MAST2: variants seen among roughly 807,000 people sequenced by gnomAD.
MAST2 encodes microtubule-associated serine/threonine-protein kinase 2.
Under a neutral mutation model 147.4 loss-of-function variants are expected in MAST2, and 70 were observed. The ratio of observed to expected loss-of-function variants is 0.47; its 90% CI spans 0.39 to 0.58. The LOEUF (loss-of-function observed/expected upper bound fraction) is 0.58, where lower values mean the gene tolerates loss of function less well. MAST2 is among the 20% of genes least tolerant of loss of function. The probability of loss-of-function intolerance (pLI) is 0.00; values close to 1 mark genes in which losing one functional copy is unlikely to be tolerated. For missense variants in MAST2, 2,080 were observed against 2,302.3 expected, an observed-to-expected ratio of 0.90 and a Z score of 1.98; for synonymous variants, 869 against 896.8, an observed-to-expected ratio of 0.97 and a Z score of 0.55.
At chr1:45,882,710 A>G (rs1418052137) in intron 4 of MAST2, among the ~76,000 whole-genome samples, 1 of 152,226 alleles carries the variant, frequency 6.6e-6, no homozygotes, top group African/African-American at 2.4e-5. Context: ...TCGTAGACTC[A>G]AGCTAAGGAA....
At chr1:46,025,096 A>G (rs1214571152) in intron 15 of MAST2, among the ~76,000 whole-genome samples, 3 of 152,162 alleles carry the variant, frequency 2.0e-5, no homozygotes, top group Admixed American at 6.5e-5. Flanking sequence ...AGCCAGGTGG[A>G]TCACCTGAGG....
intron 3 of MAST2, among the ~76,000 whole-genome samples, chr1:45,852,116 A>G (rs1645640211): frequency 6.6e-6 from 1 of 152,128 alleles, no homozygotes; most frequent in African/African-American, 2.4e-5. Context: ...GTACAATATC[A>G]TTAACTAGAT....
At chr1:45,859,711 A>C (rs1189728913) in intron 3 of MAST2, among the ~76,000 whole-genome samples, 1 of 152,214 alleles carries the variant, frequency 6.6e-6, no homozygotes, top group Admixed American at 6.5e-5. Context: ...ATAAAAGGAT[A>C]ATTTATGTTG....
At chr1:45,864,259 G>C (rs760346383) in intron 3 of MAST2, among the ~76,000 whole-genome samples, 1 of 152,122 alleles carries the variant, frequency 6.6e-6, no homozygotes, top group Admixed American at 6.6e-5. Context: ...AATGGGGAGC[G>C]TTTCCTGTGA....
intron 5 of MAST2, among the ~76,000 whole-genome samples, chr1:45,972,401 C>A (rs1397710399): frequency 1.3e-5 from 2 of 152,210 alleles, no homozygotes; most frequent in East Asian, 3.8e-4. Context: ...GGAAAAGTTT[C>A]TGCTAATAAG....
In MAST2 at chr1:46,008,375, A is replaced by G. The variant is rs992577214; in HGVS notation, c.978+4A>G. The G allele has an allele frequency of 3.1e-6, 5 of 1,606,634 alleles. No individual in the cohort carries two copies. In the South Asian group the frequency reaches 5.5e-5, roughly 18 times the overall value. On this transcript the variant is annotated splice_donor_region_variant and intron_variant, in intron 9 of 28. Transcript: ENST00000361297. ...TTACAAAGAAAGATTCCCAAAGGTAAGGATCCATTTAAAAGGAGAGTGGCA... is the reference window on the plus strand; with the variant it reads ...TTACAAAGAAAGATTCCCAAAGGTAGGGATCCATTTAAAAGGAGAGTGGCA...
intron 1 of MAST2, among the ~76,000 whole-genome samples, chr1:45,804,458 C>T (rs1644081168): frequency 6.6e-6 from 1 of 152,066 alleles, no homozygotes; most frequent in South Asian, 2.1e-4. Flanking sequence ...ATCCTGTTTT[C>T]TAGAGGTTGT....
intron 4 of MAST2, among the ~76,000 whole-genome samples, chr1:45,918,696 C>T (rs1296932187): frequency 6.6e-6 from 1 of 152,128 alleles, no homozygotes; most frequent in South Asian, 2.1e-4. Context: ...CCTCGGCCTC[C>T]CAAAGCACTG....
chr1:45,852,958 G>A (rs1645669956), intron 3 of MAST2, among the ~76,000 whole-genome samples: 1 of 151,496 alleles, frequency 6.6e-6, no homozygotes, highest in Admixed American at 6.6e-5. Flanking sequence ...TTGTTGAGAT[G>A]GTATCTCTGT....
At chr1:45,807,544 AT>A (rs759534881) in intron 1 of MAST2, among the ~76,000 whole-genome samples, 539 of 140,382 alleles carry the variant, frequency 3.8e-3, no homozygotes, top group Non-Finnish European at 4.0e-3. Flanking sequence ...AACATTTGTG[AT>A]TTTTTTTTTT....
intron 1 of MAST2, among the ~76,000 whole-genome samples, chr1:45,809,310 A>G (rs1297670230): frequency 1.3e-5 from 2 of 152,176 alleles, no homozygotes; most frequent in Non-Finnish European, 2.9e-5. Context: ...CGCATATTAA[A>G]ATTCTACTCA....
rs1327609046 is a variant in MAST2, at chr1:45,908,893, C to T, written c.500+26498C>T. Among the ~76,000 whole-genome samples, 4 of 152,188 alleles carry T rather than the reference C, an allele frequency of 2.6e-5. No homozygotes were observed. In the South Asian group the frequency reaches 6.2e-4, roughly 24 times the overall value. On this transcript the variant is annotated intron_variant, in intron 4 of 28. Coordinates refer to ENST00000361297, the MANE Select transcript of MAST2 (RefSeq NM_015112.3). ...TTTCCCTTCTTTCTGGGTTTTCTTT[C>T]TTGCATTACATGTGTCCCAGTGCCT...
intron 6 of MAST2, among the ~76,000 whole-genome samples, chr1:46,001,169 C>T (rs1645260068): frequency 6.6e-6 from 1 of 152,212 alleles, no homozygotes; most frequent in Non-Finnish European, 1.5e-5. Flanking sequence ...GGAACCAAGG[C>T]TCAGAGCTCA....
rs533879467 is a variant in MAST2, at chr1:45,916,090, A to G, written c.500+33695A>G. ...CTATTTTCTATCCTGTTACTACCCC[A>G]TATTGTGTACCCACCTGAGAAGTAA... On this transcript the variant is annotated intron_variant, in intron 4 of 28. Transcript: ENST00000361297. Among the ~76,000 whole-genome samples the G allele has an allele frequency of 3.3e-5, 5 of 152,334 alleles. No individual in the cohort carries two copies. The South Asian group carries it at 1.0e-3, about 32-fold the overall frequency.
intron 5 of MAST2, among the ~76,000 whole-genome samples, chr1:45,986,040 C>G (rs536079311): frequency 1.9e-3 from 288 of 152,270 alleles, no homozygotes; most frequent in African/African-American, 6.4e-3. Flanking sequence ...GACAACTTGC[C>G]TATTCCACTG....
intron 1 of MAST2, among the ~76,000 whole-genome samples, chr1:45,810,789 C>T (rs553752743): frequency 1.5e-3 from 169 of 115,686 alleles, no homozygotes; most frequent in African/African-American, 5.5e-3. Context: ...CCATCCTGGG[C>T]GACAGAGCGA....
At chr1:45,971,260 G>A (rs1643902838) in intron 5 of MAST2, among the ~76,000 whole-genome samples, 2 of 152,200 alleles carry the variant, frequency 1.3e-5, no homozygotes, top group Non-Finnish European at 2.9e-5. Flanking sequence ...CAGTTACTCA[G>A]CAATCAGGGA....
chr1:45,930,391 T>TTTTGTTTTGTTTTG (rs1553235602), intron 4 of MAST2, among the ~76,000 whole-genome samples: 2 of 147,278 alleles, frequency 1.4e-5, no homozygotes, highest in African/African-American at 2.5e-5. Context: ...TTTTTTGTTT[T>TTTTGTTTTGTTTTG]TTTTGTTTTG....
intron 4 of MAST2, among the ~76,000 whole-genome samples, chr1:45,933,717 G>A (rs557729288): frequency 1.2e-4 from 18 of 151,930 alleles, no homozygotes; most frequent in African/African-American, 4.3e-4. Flanking sequence ...TCGTGCCATT[G>A]CACTCTAGCC....
Sources: allele counts gnomAD v4.1 joint callset (sites outside exome capture counted in the v4.1 genomes callset), GRCh38; gene constraint gnomAD v4.1.1; transcripts MANE v1.5; gene names NCBI Gene and HGNC (gene_info 2026-07-23, HGNC 2026-07-21).